PANK1: variants seen among roughly 807,000 people sequenced by gnomAD.
The protein encoded by PANK1 is pantothenate kinase 1.
Under a neutral mutation model 40.1 loss-of-function variants are expected in PANK1, and 18 were observed. The observed-to-expected ratio is 0.45, with a 90% CI of 0.31 to 0.67. PANK1 has a LOEUF of 0.67. Among genes scored for constraint, PANK1 ranks in the 30% least tolerant of loss-of-function variants. PANK1 has a pLI of 0.06. For missense variants in PANK1, 457 were observed against 599.6 expected (o/e 0.76, Z 2.48); for synonymous variants, 242 against 237.7 (o/e 1.02, Z -0.17).
intron 2 of PANK1, among the ~76,000 whole-genome samples, chr10:89,607,298 TG>T (rs1056815566): frequency 6.6e-6 from 1 of 152,140 alleles, no homozygotes; most frequent in Admixed American, 6.5e-5. Flanking sequence ...GGGAGAGAGA[TG>T]GGGGGACAGC....
intron 2 of PANK1, among the ~76,000 whole-genome samples, chr10:89,601,309 TAAAAAAAAAAAA>T (rs11317815): frequency 3.4e-4 from 18 of 52,662 alleles, no homozygotes; most frequent in Admixed American, 1.5e-3. Context: ...ACCCATCTCT[TAAAAAAAAAAAA>T]AAAAAAAAAA....
At chr10:89,640,992 C>T (rs1406871876) in intron 1 of PANK1, among the ~76,000 whole-genome samples, 1 of 152,178 alleles carries the variant, frequency 6.6e-6, no homozygotes, top group Non-Finnish European at 1.5e-5. Context: ...GACACTTGGG[C>T]CTTAAATTAT....
intron 3 of PANK1, among the ~76,000 whole-genome samples, chr10:89,598,869 G>A (rs558547340): frequency 3.9e-5 from 6 of 152,318 alleles, no homozygotes; most frequent in South Asian, 4.1e-4. Flanking sequence ...AAGTCACTCC[G>A]AGCTAGGCAT....
At chr10:89,636,642 G>A (rs980264541) in intron 1 of PANK1, among the ~76,000 whole-genome samples, 9 of 151,452 alleles carry the variant, frequency 5.9e-5, no homozygotes, top group African/African-American at 1.5e-4. Flanking sequence ...TAGTAGAGAC[G>A]GTGTTTCACA....
At chr10:89,587,000 G>A (rs1350454961) in intron 6 of PANK1, among the ~76,000 whole-genome samples, 2 of 152,088 alleles carry the variant, frequency 1.3e-5, no homozygotes, top group Admixed American at 1.3e-4. Flanking sequence ...GCGCACGTCT[G>A]TAATCCCAGC....
intron 1 of PANK1, among the ~76,000 whole-genome samples, chr10:89,637,321 T>C (rs1318129746): frequency 6.6e-6 from 1 of 152,176 alleles, no homozygotes; most frequent in Non-Finnish European, 1.5e-5. Context: ...TGACGGGTAT[T>C]TTCAGAGAAA....
At chr10:89,593,782 T>C (rs896950097) in intron 4 of PANK1, 31 bp downstream of exon 4, 16 of 1,557,586 alleles carry the variant, frequency 1.0e-5, no homozygotes, top group African/African-American at 4.1e-5. Flanking sequence ...TTGTGTTTAA[T>C]CACTACTGCT....
chr10:89,593,025 T>C (rs567953866), intron 5 of PANK1, among the ~76,000 whole-genome samples, 172 bp downstream of exon 5: 3 of 152,246 alleles, frequency 2.0e-5, no homozygotes, highest in African/African-American at 7.2e-5. Context: ...AAATAAAGCA[T>C]ATATTCCTCC....
intron 2 of PANK1, among the ~76,000 whole-genome samples, chr10:89,609,469 G>A (rs148600921): frequency 6.6e-6 from 1 of 152,356 alleles, no homozygotes; most frequent in East Asian, 1.9e-4. Flanking sequence ...TTGGTGCACT[G>A]AAAGTGCCTG....
Position 89,599,449 on chromosome 10 carries a change from C to G in PANK1, c.702G>C (p.Leu234=). 1 of 1,613,776 alleles carries G rather than the reference C, an allele frequency of 6.2e-7. No individual in the cohort carries two copies. The highest frequency in any genetic ancestry group is 8.5e-7 in the Non-Finnish European group (1 of 1,179,658). Residue 234 remains leucine (L), a synonymous_variant, in exon 3 of 7, where the codon CTG becomes CTC. Coordinates refer to ENST00000307534, the MANE Select transcript of PANK1 (RefSeq NM_148977.3). The stretch of plus-strand genomic sequence containing the variant: ...TGAAGCCAACAGAGTCGACATAAAG[C>G]AGGCCCTGAATCAGACAGTCCAGTT... ...LDELDCLIQG[L]LYVDSVGFNG...
At chr10:89,635,453 G>A (rs529126735) in intron 1 of PANK1, among the ~76,000 whole-genome samples, 6 of 152,214 alleles carry the variant, frequency 3.9e-5, no homozygotes, top group African/African-American at 1.4e-4. Flanking sequence ...ATCATTCATG[G>A]GGATGGTGCC....
chr10:89,624,765 TAG>T (rs1439960356), intron 1 of PANK1, among the ~76,000 whole-genome samples: 1 of 152,214 alleles, frequency 6.6e-6, no homozygotes, highest in Non-Finnish European at 1.5e-5. Context: ...GGACATCACC[TAG>T]AGATTCTGAT....
intron 4 of PANK1, 122 bp downstream of exon 4, chr10:89,593,691 T>C: frequency 1.4e-6 from 1 of 737,146 alleles, no homozygotes; most frequent in Non-Finnish European, 2.4e-6. Context: ...GTCTGAGCTC[T>C]GATACAACAG....
At chr10:89,588,567 T>G in intron 6 of PANK1, 85 bp downstream of exon 6, 1 of 1,061,354 alleles carries the variant, frequency 9.4e-7, no homozygotes, top group South Asian at 2.6e-5. Context: ...TTGACCAATT[T>G]AAAAAGCTAA....
intron 1 of PANK1, among the ~76,000 whole-genome samples, chr10:89,632,470 A>G (rs1403379052): frequency 1.3e-5 from 2 of 152,174 alleles, no homozygotes; most frequent in Non-Finnish European, 2.9e-5. Flanking sequence ...ACAAGCCTCA[A>G]CTAAGGCCAG....
At chr10:89,589,052 G>A (rs772002905) in intron 5 of PANK1, among the ~76,000 whole-genome samples, 1 of 152,106 alleles carries the variant, frequency 6.6e-6, no homozygotes, top group Non-Finnish European at 1.5e-5. Context: ...CTGACATTAA[G>A]CTCTCAAAAC....
At chr10:89,634,252 C>A (rs1053812636) in intron 1 of PANK1, among the ~76,000 whole-genome samples, 1 of 152,156 alleles carries the variant, frequency 6.6e-6, no homozygotes, top group African/African-American at 2.4e-5. Context: ...TCTCTCTGGT[C>A]GCCCCTGACC....
At chr10:89,604,820 G>A (rs1400181311) in intron 2 of PANK1, among the ~76,000 whole-genome samples, 4 of 151,366 alleles carry the variant, frequency 2.6e-5, no homozygotes, top group Admixed American at 6.6e-5. Flanking sequence ...GCAGTATCTC[G>A]GCTCGCTGCA....
chr10:89,599,359 C>A lies in PANK1; in HGVS notation c.792G>T (p.Pro264=), dbSNP rs11592870. Residue 264 remains proline, a synonymous_variant, in exon 3 of 7, where the codon CCG becomes CCT. Transcript: ENST00000307534. ...PTNPELCQKK[P]YCLDNPYPML... is the part of the protein sequence containing the mutation. ...TAGGGTATGGGTTATCAAGGCAGTACGGCTTTTTTTGACACAATTCAGGAT... is the reference window on the plus strand; with the variant it reads ...TAGGGTATGGGTTATCAAGGCAGTAAGGCTTTTTTTGACACAATTCAGGAT... The A allele has an allele frequency of 1.2e-6, 2 of 1,613,842 alleles. No individual in the cohort carries two copies.
Sources: gnomAD v4.1 joint callset for allele counts (sites outside exome capture counted in the v4.1 genomes callset) on GRCh38, gnomAD v4.1.1 for gene constraint, MANE v1.5 for transcripts, NCBI Gene and HGNC (gene_info 2026-07-23, HGNC 2026-07-21) for gene names.